The following NTM variants were observed in gnomAD, a reference collection of about 807,000 sequenced individuals.
The protein encoded by NTM is IgLON family member 2.
Under a neutral mutation model 42.1 loss-of-function variants are expected in NTM, and 13 were observed. The observed-to-expected ratio is 0.31, with a 90% CI of 0.20 to 0.49. The LOEUF is 0.49. Among genes scored for constraint, NTM ranks in the 20% least tolerant of loss-of-function variants. The pLI, the probability that NTM is intolerant of heterozygous loss-of-function variation, is 0.99. For missense variants in NTM, 373 were observed against 452.8 expected, an observed-to-expected ratio of 0.82 and a Z score of 1.60; for synonymous variants, 187 against 179.2, an observed-to-expected ratio of 1.04 and a Z score of -0.35.
At chr11:131,591,956 C>G (rs571670752) in intron 1 of NTM, among the ~76,000 whole-genome samples, 19 of 152,162 alleles carry the variant, frequency 1.2e-4, no homozygotes, top group Non-Finnish European at 1.5e-5. Context: ...GAAGCCCATC[C>G]CACAGCCTCA....
chr11:131,753,674 T>C (rs912307653), intron 1 of NTM, among the ~76,000 whole-genome samples: 5 of 151,248 alleles, frequency 3.3e-5, no homozygotes, highest in Non-Finnish European at 5.9e-5. Flanking sequence ...TTCTCACTCA[T>C]AGGTGGGAAT....
At chr11:131,858,269 A>G (rs2046300063) in intron 1 of NTM, among the ~76,000 whole-genome samples, 1 of 152,126 alleles carries the variant, frequency 6.6e-6, no homozygotes, top group African/African-American at 2.4e-5. Context: ...TGAATAGGCC[A>G]GGATGAGCAA....
intron 3 of NTM, among the ~76,000 whole-genome samples, chr11:132,154,001 T>A (rs4293122): frequency 0.72 from 109,242 of 152,126 alleles, 39,492 homozygotes; most frequent in East Asian, 0.81. Flanking sequence ...TGAGAGGAAA[T>A]GGCATCCCAA....
chr11:132,122,850 C>G (rs931539099), intron 2 of NTM, among the ~76,000 whole-genome samples: 1 of 152,066 alleles, frequency 6.6e-6, no homozygotes, highest in Non-Finnish European at 1.5e-5. Context: ...ACAGTGGTGC[C>G]CAGAATTAGA....
intron 2 of NTM, among the ~76,000 whole-genome samples, chr11:132,073,968 G>T (rs140039940): frequency 6.6e-6 from 1 of 152,180 alleles, no homozygotes; most frequent in Non-Finnish European, 1.5e-5. Flanking sequence ...AACTTCTGGG[G>T]TTAACGTGGT....
chr11:132,245,899 A>G (rs1228160374), intron 4 of NTM, among the ~76,000 whole-genome samples: 4 of 152,160 alleles, frequency 2.6e-5, no homozygotes, highest in Non-Finnish European at 5.9e-5. Flanking sequence ...AGCCAAGGCC[A>G]GTAGGAGTAG....
intron 1 of NTM, among the ~76,000 whole-genome samples, chr11:131,472,941 G>A (rs1473649123): frequency 6.6e-6 from 1 of 151,966 alleles, no homozygotes; most frequent in South Asian, 2.1e-4. Context: ...TAATTACTCC[G>A]TGAAATATTA....
At chr11:131,684,432 C>A (rs965994897) in intron 1 of NTM, among the ~76,000 whole-genome samples, 2 of 152,234 alleles carry the variant, frequency 1.3e-5, no homozygotes, top group Non-Finnish European at 2.9e-5. Context: ...GCCTGGAAAC[C>A]TTTTCTCAAC....
intron 4 of NTM, among the ~76,000 whole-genome samples, chr11:132,234,281 C>T (rs1010910582): frequency 1.8e-4 from 27 of 152,162 alleles, no homozygotes; most frequent in Admixed American, 1.4e-3. Flanking sequence ...GCATCTGAGT[C>T]GGTCTTCGCT....
At chr11:131,753,013 G>C (rs1424959725) in intron 1 of NTM, among the ~76,000 whole-genome samples, 1 of 150,846 alleles carries the variant, frequency 6.6e-6, no homozygotes, top group Non-Finnish European at 1.5e-5. Flanking sequence ...CTAATATCCA[G>C]AATCTACAAT....
Position 131,387,317 on chromosome 11 carries a change from C to CCTCTCT in NTM, c.82+16435_82+16440dup, listed in dbSNP as rs542813589. ...GGAGCTCTCTCTCTCTCTCTCTCTC[C>CCTCTCT]CTCTCTCTCTCACTCTGTCCCCAGC... On this transcript the variant is annotated intron_variant, in intron 1 of 8. Transcript: ENST00000683400. Among the ~76,000 whole-genome samples the CCTCTCT allele has an allele frequency of 2.0e-5, 3 of 150,470 alleles. No homozygotes were observed. The South Asian group carries it at 6.3e-4, about 32-fold the overall frequency.
chr11:131,879,686 G>A (rs1051130303), intron 1 of NTM, among the ~76,000 whole-genome samples: 6 of 151,820 alleles, frequency 4.0e-5, no homozygotes, highest in African/African-American at 1.5e-4. Context: ...TGATTTTTTT[G>A]TCACCTTTGA....
chr11:131,661,752 A>C (rs2068107602), intron 1 of NTM, among the ~76,000 whole-genome samples: 1 of 152,208 alleles, frequency 6.6e-6, no homozygotes. Context: ...GAGTAGAGTG[A>C]AAATGCTCTT....
intron 1 of NTM, among the ~76,000 whole-genome samples, chr11:131,541,078 A>T (rs1487464622): frequency 6.6e-6 from 1 of 152,196 alleles, no homozygotes; most frequent in Non-Finnish European, 1.5e-5. Flanking sequence ...TAGGCATCAA[A>T]TCAATCCCCG....
In NTM at chr11:132,321,009, A is replaced by G. The variant is rs1410550274; in HGVS notation, c.934+6306A>G. Among the ~76,000 whole-genome samples, 289 of 150,840 alleles carry G rather than the reference A, an allele frequency of 1.9e-3. 1 individual carries two copies. The highest frequency in any genetic ancestry group is 3.3e-3 in the Non-Finnish European group (225 of 67,826). ...ACTAACAAACAGAAAGGACATCCAC[A>G]CCAAAAACCCATCTGTACATCACCA... On this transcript the variant is annotated intron_variant, in intron 7 of 8. Transcript: ENST00000683400.
In NTM at chr11:131,889,037, G is replaced by T. The variant is rs118075527; in HGVS notation, c.83-22527G>T. The stretch of plus-strand genomic sequence containing the variant: ...TGAGTCCCTTGTCAAAGGCTGCTTG[G>T]AGTCACCCACTTCCAAAGGGAGCGT... On this transcript the variant is annotated intron_variant, in intron 1 of 8. Coordinates refer to ENST00000683400, the MANE Select transcript of NTM (RefSeq NM_001352005.2). Among the ~76,000 whole-genome samples the T allele has an allele frequency of 1.1e-3, 168 of 152,164 alleles. 3 individuals carry two copies. In the East Asian group the frequency reaches 0.025, roughly 22 times the overall value.
intron 1 of NTM, among the ~76,000 whole-genome samples, chr11:131,749,309 A>T (rs1026161492): frequency 1.3e-5 from 2 of 152,208 alleles, no homozygotes; most frequent in Admixed American, 6.5e-5. Context: ...GCATGTAATA[A>T]GGGAATGATA....
rs1280518813 is a variant in NTM, at chr11:131,574,891, C to T, written c.82+204003C>T. ...AGACCTATGCCTGGTGCTGAGGGGA[C>T]CTTTGGGGCTATTTGAATAGCAGCA... On this transcript the variant is annotated intron_variant, in intron 1 of 8. Coordinates refer to ENST00000683400, the MANE Select transcript of NTM (RefSeq NM_001352005.2). 4.6e-5 allele frequency among the ~76,000 whole-genome samples: 7 copies of T among 152,022 alleles called. No homozygotes were observed. The South Asian group carries it at 1.5e-3, about 32-fold the overall frequency.
intron 3 of NTM, among the ~76,000 whole-genome samples, chr11:132,163,635 C>T (rs563338898): frequency 6.6e-6 from 1 of 152,300 alleles, no homozygotes; most frequent in Admixed American, 6.5e-5. Context: ...CTCTTCACAG[C>T]CTCCCTCAAA....
Sources: gnomAD v4.1 joint callset for allele counts (sites outside exome capture counted in the v4.1 genomes callset) on GRCh38, gnomAD v4.1.1 for gene constraint, MANE v1.5 for transcripts, NCBI Gene and HGNC (gene_info 2026-07-23, HGNC 2026-07-21) for gene names.